DPH6: variants seen among roughly 807,000 people sequenced by gnomAD.
DPH6 encodes diphthamine biosynthesis 6.
In DPH6, 33 loss-of-function variants were observed where a neutral mutation model predicts 38.2. The observed-to-expected ratio is 0.86, with a 90% CI of 0.65 to 1.15. DPH6 has a LOEUF of 1.15. DPH6 is among the 50% of genes most tolerant of loss of function. The probability of loss-of-function intolerance (pLI) is 0.00; values close to 1 mark genes in which losing one functional copy is unlikely to be tolerated. For missense variants in DPH6, 325 were observed against 320.0 expected, an observed-to-expected ratio of 1.02 and a Z score of -0.12; for synonymous variants, 108 against 103.0, an observed-to-expected ratio of 1.05 and a Z score of -0.30.
intron 3 of DPH6, among the ~76,000 whole-genome samples, chr15:35,465,300 A>T (rs990210638): frequency 1.3e-5 from 2 of 152,204 alleles, no homozygotes; most frequent in Non-Finnish European, 2.9e-5. Flanking sequence ...AGGCATTCTA[A>T]CATTTTTAAT....
In DPH6 at chr15:35,454,714, A is replaced by G. The variant is rs749658469; in HGVS notation, c.386+33T>C. ...TTATTCACATTCTTAAAACACATAC[A>G]CTTTTAAAACTAACAAATTAATGTT... On this transcript the variant is annotated intron_variant, in intron 4 of 8. Coordinates refer to ENST00000256538, the MANE Select transcript of DPH6 (RefSeq NM_080650.4). 3.3e-6 allele frequency: 5 copies of G among 1,533,622 alleles called. No homozygotes were observed. The Admixed American group carries it at 7.3e-5, about 22-fold the overall frequency.
At chr15:35,496,376 G>A (rs938028991) in intron 3 of DPH6, among the ~76,000 whole-genome samples, 1 of 150,946 alleles carries the variant, frequency 6.6e-6, no homozygotes, top group Non-Finnish European at 1.5e-5. Context: ...CCAACATGGT[G>A]GAACCTGTTT....
chr15:35,325,603 C>T lies in DPH6; in HGVS notation n.200+47918G>A, dbSNP rs1056251169. Among the ~76,000 whole-genome samples the T allele has an allele frequency of 2.0e-5, 3 of 150,494 alleles. No homozygotes were observed. The East Asian group carries it at 5.9e-4, about 29-fold the overall frequency. On this transcript the variant is annotated intron_variant and non_coding_transcript_variant, in intron 3 of 3. Transcript: ENST00000560386. Reference sequence around the variant, plus strand: ...GTGGAGGAGGGAGGATAGTGTAGATCTAAATCTGGAAGGTAAACAATAAAC... The same window carrying T: ...GTGGAGGAGGGAGGATAGTGTAGATTTAAATCTGGAAGGTAAACAATAAAC...
intron 3 of DPH6, among the ~76,000 whole-genome samples, chr15:35,469,181 A>G (rs1247171428): frequency 6.6e-6 from 1 of 152,214 alleles, no homozygotes; most frequent in Non-Finnish European, 1.5e-5. Flanking sequence ...TTTAGATTAC[A>G]TTCTGACAGG....
intron 6 of DPH6, among the ~76,000 whole-genome samples, chr15:35,393,390 C>A (rs186527468): frequency 3.7e-4 from 57 of 152,164 alleles, no homozygotes; most frequent in African/African-American, 1.3e-3. Context: ...GAAAAGCATA[C>A]AAATTTATTT....
chr15:35,323,785 T>G (rs1184854609), intron 3 of DPH6, among the ~76,000 whole-genome samples: 2 of 152,196 alleles, frequency 1.3e-5, no homozygotes, highest in Non-Finnish European at 2.9e-5. Context: ...CCAATACATA[T>G]TTGCTAAGCA....
intron 3 of DPH6, among the ~76,000 whole-genome samples, chr15:35,348,050 C>A (rs551423142): frequency 1.3e-5 from 2 of 152,122 alleles, no homozygotes; most frequent in East Asian, 1.9e-4. Context: ...GGAATATTAA[C>A]CCCTTTACCA....
At chr15:35,317,838 T>C (rs73393355) in intron 3 of DPH6, among the ~76,000 whole-genome samples, 3,772 of 152,206 alleles carry the variant, frequency 0.025, 67 homozygotes, top group African/African-American at 0.053. Flanking sequence ...TGTAAATATC[T>C]GAAAAGTTAT....
chr15:35,298,258 CT>C, intron 3 of DPH6: 2 of 543,902 alleles, frequency 3.7e-6, no homozygotes, highest in Non-Finnish European at 7.3e-6. Context: ...CAAACTTGTT[CT>C]GCCAAATCCA....
chr15:35,408,236 A>G (rs2053320734), intron 6 of DPH6, among the ~76,000 whole-genome samples: 1 of 152,046 alleles, frequency 6.6e-6, no homozygotes, highest in Non-Finnish European at 1.5e-5. Context: ...GGACTCACTT[A>G]AAGTTTTGAC....
intron 5 of DPH6, among the ~76,000 whole-genome samples, chr15:35,429,501 A>T (rs2141029329): frequency 6.8e-6 from 1 of 147,432 alleles, no homozygotes; most frequent in South Asian, 2.2e-4. Context: ...TGCTCATTCA[A>T]ATAGCTGTTT....
At chr15:35,386,928 C>G (rs950458342) in intron 6 of DPH6, among the ~76,000 whole-genome samples, 1 of 152,156 alleles carries the variant, frequency 6.6e-6, no homozygotes, top group East Asian at 1.9e-4. Flanking sequence ...TGCCTATGTC[C>G]TGAATGGTAA....
intron 5 of DPH6, among the ~76,000 whole-genome samples, chr15:35,448,998 T>G (rs1046763794): frequency 1.6e-5 from 2 of 125,958 alleles, no homozygotes; most frequent in African/African-American, 5.6e-5. Context: ...TTTTTTTTTT[T>G]GCTTAAATCC....
intron 3 of DPH6, among the ~76,000 whole-genome samples, chr15:35,528,606 C>T (rs188579745): frequency 3.9e-5 from 6 of 152,224 alleles, no homozygotes; most frequent in African/African-American, 1.4e-4. Context: ...TTAATTTGAA[C>T]TCACCTACAG....
chr15:35,239,959 C>A (rs1022551592), intron 3 of DPH6, among the ~76,000 whole-genome samples: 1 of 141,770 alleles, frequency 7.1e-6, no homozygotes, highest in African/African-American at 2.5e-5. Flanking sequence ...CTAACCCCTT[C>A]TCTGCTTTTC....
At chr15:35,258,359 G>A (rs772243577) in intron 3 of DPH6, among the ~76,000 whole-genome samples, 2 of 152,188 alleles carry the variant, frequency 1.3e-5, no homozygotes, top group Non-Finnish European at 1.5e-5. Context: ...CAAAAGTAAT[G>A]TAAGACATTA....
intron 5 of DPH6, among the ~76,000 whole-genome samples, chr15:35,436,499 C>CAAAAAAAAAAAAAAAAAAAAAA (rs367633039): frequency 4.6e-5 from 1 of 21,920 alleles, no homozygotes; most frequent in African/African-American, 8.1e-5. Context: ...CAAAACAAAA[C>CAAAAAAAAAAAAAAAAAAAAAA]AAAACAAAAC....
chr15:35,153,631 A>G, the DPH6 span, among the ~76,000 whole-genome samples: 1 of 152,104 alleles, frequency 6.6e-6, no homozygotes, highest in African/African-American at 2.4e-5. Context: ...TGTAAGTTTG[A>G]CCCTTGGAAC....
intron 3 of DPH6, chr15:35,520,663 T>C (rs967564652): frequency 6.1e-6 from 6 of 985,000 alleles, no homozygotes; most frequent in Non-Finnish European, 7.2e-6. Context: ...ATTTTGGTAA[T>C]TTGAAAATAA....
Sources: gnomAD v4.1 joint callset for allele counts (sites outside exome capture counted in the v4.1 genomes callset) on GRCh38, gnomAD v4.1.1 for gene constraint, MANE v1.5 for transcripts, NCBI Gene and HGNC (gene_info 2026-07-23, HGNC 2026-07-21) for gene names.